Variants in FYN observed in about 807,000 individuals in gnomAD.
The protein encoded by FYN is tyrosine-protein kinase Fyn.
Under a neutral mutation model 70.2 loss-of-function variants are expected in FYN, and 10 were observed. That is an observed-to-expected ratio of 0.14 (90% CI 0.09 to 0.24). The LOEUF (loss-of-function observed/expected upper bound fraction) is 0.24, where lower values mean the gene tolerates loss of function less well. FYN is among the 10% of genes least tolerant of loss of function. The probability of loss-of-function intolerance (pLI) is 1.00; values close to 1 mark genes in which losing one functional copy is unlikely to be tolerated. For missense variants in FYN, 319 were observed against 673.1 expected (o/e 0.47, Z 5.82); for synonymous variants, 236 against 248.6 (o/e 0.95, Z 0.48).
intron 3 of FYN, among the ~76,000 whole-genome samples, chr6:111,773,150 A>G (rs186850703): frequency 5.9e-4 from 89 of 150,918 alleles, no homozygotes; most frequent in South Asian, 1.5e-3. Flanking sequence ...AATGTAGAAC[A>G]AATGGTGAAT....
intron 4 of FYN, among the ~76,000 whole-genome samples, chr6:111,716,960 A>C (rs1484119914): frequency 6.6e-6 from 1 of 151,778 alleles, no homozygotes; most frequent in African/African-American, 2.4e-5. Flanking sequence ...AATTTTTTGT[A>C]TTTTTAGTAG....
chr6:111,757,164 G>C (rs1362709705), intron 3 of FYN, among the ~76,000 whole-genome samples: 2 of 152,162 alleles, frequency 1.3e-5, no homozygotes, highest in Admixed American at 6.5e-5. Flanking sequence ...CTAAGTATTA[G>C]TTTAATATGA....
chr6:111,760,402 A>C (rs1004880461), intron 3 of FYN, among the ~76,000 whole-genome samples: 2 of 152,192 alleles, frequency 1.3e-5, no homozygotes, highest in Non-Finnish European at 2.9e-5. Flanking sequence ...AGAAAAAGAT[A>C]GGCATCCTAA....
intron 2 of FYN, chr6:111,818,689 C>T (rs915568938): frequency 1.3e-5 from 2 of 152,418 alleles, no homozygotes; most frequent in Non-Finnish European, 2.9e-5. Flanking sequence ...CTACCCAAAG[C>T]TGTCTGCCTT....
At chr6:111,781,814 A>G (rs780239465) in intron 2 of FYN, among the ~76,000 whole-genome samples, 2 of 152,232 alleles carry the variant, frequency 1.3e-5, no homozygotes, top group Non-Finnish European at 2.9e-5. Flanking sequence ...AGTTATCAAA[A>G]TATTTGACAA....
chr6:111,725,402 T>C lies in FYN; in HGVS notation c.-11-5340A>G, dbSNP rs554540255. Among the ~76,000 whole-genome samples the C allele has an allele frequency of 6.6e-5, 10 of 152,338 alleles. No individual in the cohort carries two copies. The East Asian group carries it at 1.5e-3, about 23-fold the overall frequency. ...AATGGGGCTTTTCTCCTCTGTAGCA[T>C]ACTGCATCAGATGATCCTGACACCC... On this transcript the variant is annotated intron_variant, in intron 3 of 13. Coordinates refer to ENST00000354650, the MANE Select transcript of FYN (RefSeq NM_002037.5).
chr6:111,839,720 C>G (rs999645051), intron 2 of FYN, among the ~76,000 whole-genome samples: 1 of 151,970 alleles, frequency 6.6e-6, no homozygotes, highest in Non-Finnish European at 1.5e-5. Context: ...GGCTCTTGGA[C>G]TAGGAAAAAA....
At chr6:111,753,292 C>CA (rs2128488766) in intron 3 of FYN, among the ~76,000 whole-genome samples, 1 of 152,076 alleles carries the variant, frequency 6.6e-6, no homozygotes, top group African/African-American at 2.4e-5. Context: ...ATGCATTATC[C>CA]AAAAAGGCCT....
chr6:111,733,356 T>C (rs569638911), intron 3 of FYN, among the ~76,000 whole-genome samples: 2 of 152,312 alleles, frequency 1.3e-5, no homozygotes, highest in East Asian at 1.9e-4. Context: ...GACCTGGACA[T>C]GAATCTAGAT....
chr6:111,725,683 T>C (rs961836023), intron 3 of FYN, among the ~76,000 whole-genome samples: 1 of 152,222 alleles, frequency 6.6e-6, no homozygotes, highest in African/African-American at 2.4e-5. Context: ...AAAAAAAGCA[T>C]GCAGGACTCT....
chr6:111,869,963 C>T (rs1395277190), intron 1 of FYN, among the ~76,000 whole-genome samples: 1 of 152,168 alleles, frequency 6.6e-6, no homozygotes, highest in Non-Finnish European at 1.5e-5. Context: ...AAAGCAATGA[C>T]GGGTGTCCGC....
chr6:111,696,258 A>G lies in FYN; in HGVS notation c.1042+19T>C, dbSNP rs761115796. ...CCTTAAGGCACTGTGAGCTGGAGAC[A>G]GGAGAGGTGTTGCCCAACCTTTGTT... is the stretch of plus-strand genomic sequence containing the variant. On this transcript the variant is annotated intron_variant, in intron 10 of 13. Coordinates refer to ENST00000354650, the MANE Select transcript of FYN (RefSeq NM_002037.5). 2 of 1,590,720 alleles carry G rather than the reference A, an allele frequency of 1.3e-6. No individual in the cohort carries two copies. The highest frequency in any genetic ancestry group is 1.7e-6 in the Non-Finnish European group (2 of 1,166,832).
chr6:111,726,793 G>A (rs1801211137), intron 3 of FYN, among the ~76,000 whole-genome samples: 1 of 152,210 alleles, frequency 6.6e-6, no homozygotes, highest in Admixed American at 6.5e-5. Context: ...AGGACCAGGT[G>A]GAGGTAATCG....
chr6:111,671,848 T>C (rs568046256), intron 13 of FYN, among the ~76,000 whole-genome samples: 12 of 152,198 alleles, frequency 7.9e-5, no homozygotes, highest in Non-Finnish European at 1.2e-4. Context: ...AGGGTAATAA[T>C]CCTATAATTG....
intron 3 of FYN, among the ~76,000 whole-genome samples, chr6:111,749,084 T>C (rs923029733): frequency 4.6e-5 from 7 of 152,226 alleles, no homozygotes; most frequent in African/African-American, 1.7e-4. Context: ...CCACTCACTC[T>C]TCCTGGGCCT....
chr6:111,663,232 C>T (rs547997544), intron 13 of FYN, among the ~76,000 whole-genome samples: 17 of 152,342 alleles, frequency 1.1e-4, no homozygotes, highest in Admixed American at 3.9e-4. Context: ...AGCAAGAACC[C>T]GATGTCAAGC....
intron 2 of FYN, among the ~76,000 whole-genome samples, chr6:111,824,572 C>T (rs1326273301): frequency 4.6e-5 from 7 of 152,178 alleles, no homozygotes; most frequent in Non-Finnish European, 8.8e-5. Flanking sequence ...TTGCATTCTT[C>T]GTTTTCAGGT....
rs530222812 is a variant in FYN, at chr6:111,827,648, C to T, written c.-82+18941G>A. ...GAATTATTTTTCTTTCCTCAGTTTA[C>T]TGCCCATGCCCCCACATACCCTTTC... On this transcript the variant is annotated intron_variant, in intron 2 of 13. Transcript: ENST00000354650. Among the ~76,000 whole-genome samples the T allele has an allele frequency of 9.9e-5, 15 of 152,280 alleles. No individual in the cohort carries two copies. The South Asian group carries it at 3.1e-3, about 32-fold the overall frequency.
chr6:111,856,128 T>C (rs546694535), intron 1 of FYN, among the ~76,000 whole-genome samples: 5 of 152,160 alleles, frequency 3.3e-5, no homozygotes, highest in African/African-American at 4.8e-5. Context: ...ATAAAAATAT[T>C]TGTTGAAGAA....
Sources: gnomAD v4.1 joint callset for allele counts (sites outside exome capture counted in the v4.1 genomes callset) on GRCh38, gnomAD v4.1.1 for gene constraint, MANE v1.5 for transcripts, NCBI Gene and HGNC (gene_info 2026-07-23, HGNC 2026-07-21) for gene names.